DOCK3: variants seen among roughly 807,000 people sequenced by gnomAD.
DOCK3 encodes dedicator of cytokinesis protein 3.
Under a neutral mutation model 265.6 loss-of-function variants are expected in DOCK3, and 60 were observed. The observed-to-expected ratio is 0.23, with a 90% CI of 0.18 to 0.28. The LOEUF is 0.28. Ranked by LOEUF, DOCK3 falls within the 10% of genes least tolerant of loss-of-function variation. The pLI, the probability that DOCK3 is intolerant of heterozygous loss-of-function variation, is 1.00. For missense variants in DOCK3, 1,981 were observed against 2,594.3 expected (o/e 0.76, Z 5.14); for synonymous variants, 881 against 938.0 (o/e 0.94, Z 1.11).
intron 5 of DOCK3, among the ~76,000 whole-genome samples, chr3:51,061,150 G>A (rs891754918): frequency 2.0e-5 from 3 of 152,216 alleles, no homozygotes; most frequent in African/African-American, 7.2e-5. Context: ...GGAAGTCAGT[G>A]TGGCGATTCC....
chr3:50,955,965 G>A (rs1195798830), intron 5 of DOCK3, among the ~76,000 whole-genome samples: 1 of 152,072 alleles, frequency 6.6e-6, no homozygotes. Flanking sequence ...TTTCAAATCA[G>A]TATTTGGAAT....
intron 12 of DOCK3, among the ~76,000 whole-genome samples, chr3:51,183,022 A>G (rs1461524825): frequency 6.6e-6 from 1 of 152,172 alleles, no homozygotes; most frequent in Non-Finnish European, 1.5e-5. Context: ...CCTCATTGAC[A>G]TCTGGCTAAC....
At chr3:51,102,998 A>G (rs930210327) in intron 9 of DOCK3, among the ~76,000 whole-genome samples, 7 of 152,202 alleles carry the variant, frequency 4.6e-5, no homozygotes, top group African/African-American at 1.7e-4. Context: ...CTCAATTGTC[A>G]TTAAAACTAC....
At chr3:51,333,373 T>G in intron 35 of DOCK3, 120 bp downstream of exon 35, 1 of 1,008,622 alleles carries the variant, frequency 9.9e-7, no homozygotes, top group Non-Finnish European at 1.5e-6. Flanking sequence ...GTTGTGATAT[T>G]GGGTGCCATC....
chr3:51,013,467 T>G (rs1002456014), intron 5 of DOCK3, among the ~76,000 whole-genome samples: 11 of 152,192 alleles, frequency 7.2e-5, no homozygotes, highest in Non-Finnish European at 1.5e-4. Flanking sequence ...TTTGCCTGGG[T>G]ATCACCAGTG....
Position 50,855,639 on chromosome 3 carries a change from G to A in DOCK3, c.162+13924G>A, listed in dbSNP as rs2675776. Among the ~76,000 whole-genome samples the A allele has an allele frequency of 2.7e-3, 416 of 152,080 alleles. 6 individuals carry two copies. The highest frequency in any genetic ancestry group is 9.1e-3 in the African/African-American group (379 of 41,496). On this transcript the variant is annotated intron_variant, in intron 3 of 52. Transcript: ENST00000266037. ...AATTTGACTTCTTCTTTTCCTATTT[G>A]GATGCCTTTTATTTCTTATTTATTT...
At chr3:50,712,835 A>G (rs968320259) in intron 1 of DOCK3, among the ~76,000 whole-genome samples, 1 of 152,164 alleles carries the variant, frequency 6.6e-6, no homozygotes, top group African/African-American at 2.4e-5. Context: ...GCCCTTTTAC[A>G]TTTATTGAAG....
chr3:51,239,574 GT>G (rs1560265802), intron 21 of DOCK3, among the ~76,000 whole-genome samples: 2 of 146,632 alleles, frequency 1.4e-5, no homozygotes, highest in Admixed American at 6.7e-5. Flanking sequence ...TTGTTTGTTT[GT>G]TTTTTGTTTT....
chr3:50,958,260 C>A (rs1258665556), intron 5 of DOCK3, among the ~76,000 whole-genome samples: 1 of 152,194 alleles, frequency 6.6e-6, no homozygotes, highest in East Asian at 1.9e-4. Flanking sequence ...AATAGCTGCA[C>A]CTTCAGTTCT....
chr3:50,710,019 CAA>C (rs2036653744), intron 1 of DOCK3, among the ~76,000 whole-genome samples: 3 of 152,014 alleles, frequency 2.0e-5, no homozygotes, highest in African/African-American at 4.8e-5. Context: ...GGCAACATAG[CAA>C]GACTCCCATC....
intron 5 of DOCK3, among the ~76,000 whole-genome samples, chr3:51,063,633 A>G (rs2081496725): frequency 6.6e-6 from 1 of 152,232 alleles, no homozygotes. Context: ...TTAATTATAC[A>G]GAAACCAAAA....
intron 14 of DOCK3, among the ~76,000 whole-genome samples, chr3:51,217,098 C>T (rs2089831776): frequency 6.6e-6 from 1 of 151,664 alleles, no homozygotes; most frequent in Non-Finnish European, 1.5e-5. Flanking sequence ...AACTGTGATC[C>T]TTATTTTAAA....
chr3:51,287,864 G>A (rs1384288091), intron 27 of DOCK3, among the ~76,000 whole-genome samples: 3 of 152,170 alleles, frequency 2.0e-5, no homozygotes, highest in African/African-American at 7.2e-5. Context: ...ATTCACAATA[G>A]CAAAGACATG....
At chr3:51,281,662 A>G (rs778327049) in intron 27 of DOCK3, among the ~76,000 whole-genome samples, 46 of 152,034 alleles carry the variant, frequency 3.0e-4, no homozygotes, top group Non-Finnish European at 6.0e-4. Context: ...CCTCCTACAG[A>G]CTTTCCTATA....
intron 2 of DOCK3, among the ~76,000 whole-genome samples, chr3:50,823,816 C>T (rs2608991): frequency 1.3e-5 from 2 of 152,210 alleles, no homozygotes; most frequent in Non-Finnish European, 2.9e-5. Flanking sequence ...CACCTCCCTC[C>T]CAGTAAATTG....
intron 12 of DOCK3, among the ~76,000 whole-genome samples, chr3:51,184,584 A>G (rs980090024): frequency 2.0e-5 from 3 of 152,078 alleles, no homozygotes; most frequent in African/African-American, 7.2e-5. Flanking sequence ...AACCCAAAGT[A>G]TAAGATAAAT....
At chr3:51,103,562 T>A (rs2083163167) in intron 9 of DOCK3, among the ~76,000 whole-genome samples, 1 of 152,232 alleles carries the variant, frequency 6.6e-6, no homozygotes, top group East Asian at 1.9e-4. Context: ...TTAAGCCATG[T>A]GCAATAGTCT....
intron 12 of DOCK3, among the ~76,000 whole-genome samples, chr3:51,187,644 C>G (rs995377668): frequency 6.6e-6 from 1 of 151,764 alleles, no homozygotes; most frequent in African/African-American, 2.4e-5. Context: ...GGGAGGGACC[C>G]GGTGGGAGAT....
At chr3:50,966,385 A>G (rs2077032389) in intron 5 of DOCK3, among the ~76,000 whole-genome samples, 1 of 150,334 alleles carries the variant, frequency 6.7e-6, no homozygotes, top group Non-Finnish European at 1.5e-5. Flanking sequence ...AGGAACCACT[A>G]TACTGTTTTT....
Sources: allele counts gnomAD v4.1 joint callset (sites outside exome capture counted in the v4.1 genomes callset), GRCh38; gene constraint gnomAD v4.1.1; transcripts MANE v1.5; gene names NCBI Gene and HGNC (gene_info 2026-07-23, HGNC 2026-07-21).